Variants in RPS6KA3 observed in about 807,000 individuals in gnomAD.
The protein encoded by RPS6KA3 is ribosomal protein S6 kinase A3.
RPS6KA3 carries 4 observed loss-of-function variants against 67.2 expected under a neutral mutation model. The ratio of observed to expected loss-of-function variants is 0.06; its 90% CI spans 0.03 to 0.14. RPS6KA3 has a LOEUF of 0.14. Among genes scored for constraint, RPS6KA3 ranks in the 10% least tolerant of loss-of-function variants. The pLI is 1.00. For missense variants in RPS6KA3, 204 were observed against 559.0 expected, an observed-to-expected ratio of 0.36 and a Z score of 6.40; for synonymous variants, 182 against 183.7, an observed-to-expected ratio of 0.99 and a Z score of 0.07.
intron 1 of RPS6KA3, among the ~76,000 whole-genome samples, chrX:20,243,746 G>T (rs1213007960): frequency 9.1e-6 from 1 of 109,738 alleles, no homozygotes; most frequent in African/African-American, 3.3e-5. Context: ...CACCCGTCTC[G>T]GCCTCCCAAA....
chrX:20,210,198 G>A (rs2068677556), intron 2 of RPS6KA3, among the ~76,000 whole-genome samples: 1 of 111,892 alleles, frequency 8.9e-6, no homozygotes, highest in Admixed American at 9.5e-5. Context: ...ATACACACAG[G>A]ATTTCAATTA....
intron 4 of RPS6KA3, among the ~76,000 whole-genome samples, chrX:20,200,385 C>A (rs1473555619): frequency 8.9e-6 from 1 of 111,830 alleles, no homozygotes; most frequent in African/African-American, 3.3e-5. Context: ...TTAGGATAGG[C>A]AGAAGAGTGG....
intron 1 of RPS6KA3, among the ~76,000 whole-genome samples, chrX:20,242,965 A>G (rs1475776659): frequency 9.0e-6 from 1 of 111,349 alleles, no homozygotes; most frequent in Non-Finnish European, 1.9e-5. Flanking sequence ...TTTGATAATC[A>G]TAACTTTAAT....
intron 15 of RPS6KA3, 28 bp from the exon 16 acceptor site, chrX:20,169,519 CTCA>C (rs1197896951): frequency 1.2e-6 from 1 of 867,208 alleles, no homozygotes; most frequent in Non-Finnish European, 1.7e-6. Flanking sequence ...ATCACAAAAC[CTCA>C]TCAACTATAC....
chrX:20,177,961 C>T (rs891183948), intron 10 of RPS6KA3, among the ~76,000 whole-genome samples: 1 of 111,995 alleles, frequency 8.9e-6, no homozygotes, highest in African/African-American at 3.2e-5. Flanking sequence ...TTTTTCCAAA[C>T]CTACAAATTA....
chrX:20,266,325 C>T (rs2070383032), intron 1 of RPS6KA3, among the ~76,000 whole-genome samples: 1 of 111,394 alleles, frequency 9.0e-6, no homozygotes, highest in African/African-American at 3.3e-5. Flanking sequence ...CCACTCCAAA[C>T]CCCACGCGCC....
chrX:20,214,838 T>C (rs1410567822), intron 2 of RPS6KA3, among the ~76,000 whole-genome samples: 1 of 106,264 alleles, frequency 9.4e-6, no homozygotes, highest in Non-Finnish European at 1.9e-5. Flanking sequence ...TTTTTCTTTT[T>C]TTCTTTTTTT....
chrX:20,264,280 T>C (rs1490500264), intron 1 of RPS6KA3, among the ~76,000 whole-genome samples: 1 of 112,535 alleles, frequency 8.9e-6, no homozygotes, highest in East Asian at 2.8e-4. Context: ...GAATCCTATC[T>C]GTCAAGTTCT....
chrX:20,254,624 T>C (rs192591847), intron 1 of RPS6KA3, among the ~76,000 whole-genome samples: 2 of 112,351 alleles, frequency 1.8e-5, no homozygotes, highest in East Asian at 5.5e-4. Context: ...AAGAAATACA[T>C]ATACAAGGAA....
At chrX:20,193,682 A>C in intron 6 of RPS6KA3, 89 bp from the exon 7 acceptor site, 1 of 524,360 alleles carries the variant, frequency 1.9e-6, no homozygotes, top group Non-Finnish European at 3.1e-6. Context: ...ATATCCTAAA[A>C]ATTTTATAAA....
rs142223645 is a variant in RPS6KA3 at position 20,155,995 on chromosome X, C to T, written c.2100+114G>A. 340 of 838,708 alleles carry T rather than the reference C, an allele frequency of 4.1e-4. 2 individuals carry two copies. The East Asian group carries it at 8.9e-3, about 22-fold the overall frequency. 69.1% of individuals were successfully genotyped at this position (838,708 alleles called of 1,213,427 possible). A position where few individuals can be genotyped will look rare whatever the true frequency, so the allele number is the denominator to read the frequency against. On this transcript the variant is annotated intron_variant, in intron 21 of 21. Coordinates refer to ENST00000379565, the MANE Select transcript of RPS6KA3 (RefSeq NM_004586.3). ...GAAGTCACCCACTGTAAGAGAATCC[C>T]ACAACAGAACTGGATGCAGGATGAA...
intron 2 of RPS6KA3, chrX:20,218,948 A>G (rs1158607034): frequency 1.7e-6 from 1 of 585,242 alleles, no homozygotes; most frequent in Non-Finnish European, 2.7e-6. Flanking sequence ...TCCGGCAATT[A>G]GAAAATTTCC....
intron 1 of RPS6KA3, among the ~76,000 whole-genome samples, chrX:20,242,689 C>G (rs895353798): frequency 8.9e-6 from 1 of 112,047 alleles, no homozygotes; most frequent in African/African-American, 3.2e-5. Context: ...TTTAATTATA[C>G]AAGGAAGTGG....
rs896122890 is a variant in RPS6KA3 at position 20,266,165 on chromosome X, C to A, written c.69+399G>T. On this transcript the variant is annotated intron_variant, in intron 1 of 21. Transcript: ENST00000379565. ...TGCTCCCCGGTGAACCCGATCCCTACCCCTCCCTCATCTCCCAAAGTCGCC... is the reference window on the plus strand; with the variant it reads ...TGCTCCCCGGTGAACCCGATCCCTAACCCTCCCTCATCTCCCAAAGTCGCC... 2.1e-5 allele frequency: 3 copies of A among 142,621 alleles called. No individual in the cohort carries two copies. The East Asian group carries it at 7.1e-4, about 34-fold the overall frequency. 11.8% of individuals were successfully genotyped at this position (142,621 alleles called of 1,213,427 possible). A position where few individuals can be genotyped will look rare whatever the true frequency, so the allele number is the denominator to read the frequency against.
chrX:20,249,351 T>C (rs185410468), intron 1 of RPS6KA3, among the ~76,000 whole-genome samples: 117 of 112,267 alleles, frequency 1.0e-3, no homozygotes, highest in African/African-American at 3.7e-3. Context: ...TGCTGGATCA[T>C]ATAGCAAGTA....
Position 20,232,364 on chromosome X carries a change from G to C in RPS6KA3, c.126+2394C>G, listed in dbSNP as rs1264617865. ...CCGAGGCGAGCAGATCACAAGATCA[G>C]GAGTTTGCGACCAGCCTGACCAATA... On this transcript the variant is annotated intron_variant, in intron 2 of 21. Transcript: ENST00000379565. Among the ~76,000 whole-genome samples, 4 of 111,586 alleles carry C rather than the reference G, an allele frequency of 3.6e-5. 1 individual carries two copies. Among genetic ancestry groups the C allele is most frequent in the Non-Finnish European group, 5.7e-5 (3 of 53,029 alleles).
At chrX:20,192,596 T>C (rs986183825) in intron 7 of RPS6KA3, among the ~76,000 whole-genome samples, 16 of 85,438 alleles carry the variant, frequency 1.9e-4, no homozygotes, top group South Asian at 6.0e-4. Flanking sequence ...AATTTTCTTT[T>C]TTTTTTTTTT....
intron 2 of RPS6KA3, among the ~76,000 whole-genome samples, chrX:20,230,648 T>C (rs1441072934): frequency 8.1e-5 from 9 of 111,417 alleles, no homozygotes; most frequent in Admixed American, 3.8e-4. Context: ...TGGTAGGTCA[T>C]GTTATGGAGG....
At chrX:20,234,878 A>G in intron 1 of RPS6KA3, 64 bp from the exon 2 acceptor site, 1 of 888,710 alleles carries the variant, frequency 1.1e-6, no homozygotes, top group Non-Finnish European at 1.6e-6. Flanking sequence ...AAGTTAAATG[A>G]AGGCAGACAA....
Sources: allele counts gnomAD v4.1 joint callset (sites outside exome capture counted in the v4.1 genomes callset), GRCh38; gene constraint gnomAD v4.1.1; transcripts MANE v1.5; gene names NCBI Gene and HGNC (gene_info 2026-07-23, HGNC 2026-07-21).